The following GRIK2 variants were observed in gnomAD, a reference collection of about 807,000 sequenced individuals.
GRIK2 encodes glutamate ionotropic receptor kainate type subunit 2.
A neutral mutation model predicts 100.3 loss-of-function variants in GRIK2; 32 were observed. That is an observed-to-expected ratio of 0.32 (90% CI 0.24 to 0.43). The LOEUF is 0.43. GRIK2 is among the 20% of genes least tolerant of loss of function. The pLI, the probability that GRIK2 is intolerant of heterozygous loss-of-function variation, is 1.00. For synonymous variants in GRIK2, 417 were observed against 389.4 expected (o/e 1.07, Z -0.83); for missense variants, 843 against 1,114.9 (o/e 0.76, Z 3.47).
intron 16 of GRIK2, among the ~76,000 whole-genome samples, chr6:102,058,075 T>C (rs1468608664): frequency 1.3e-5 from 2 of 151,996 alleles, no homozygotes; most frequent in African/African-American, 4.8e-5. Flanking sequence ...TCTAAAAACA[T>C]GTATCTCCTT....
intron 2 of GRIK2, among the ~76,000 whole-genome samples, chr6:101,590,592 G>A (rs1778596590): frequency 2.0e-5 from 3 of 151,822 alleles, no homozygotes; most frequent in African/African-American, 7.3e-5. Flanking sequence ...CAACCTGAAG[G>A]GCAGCTTTCA....
rs1322818595 is a variant in GRIK2, at chr6:101,829,024, C to G, written c.1317+10541C>G. On this transcript the variant is annotated intron_variant, in intron 10 of 16. Coordinates refer to ENST00000369134, the MANE Select transcript of GRIK2 (RefSeq NM_021956.5). ...CACAAAAATTCTCAACAAAATGTAA[C>G]CAAACAAAATCCAGCAGCACATGAA... 2.0e-5 allele frequency among the ~76,000 whole-genome samples: 3 copies of G among 151,674 alleles called. No individual in the cohort carries two copies. The East Asian group carries it at 5.8e-4, about 29-fold the overall frequency.
At chr6:102,000,027 G>C (rs1794852346) in intron 14 of GRIK2, among the ~76,000 whole-genome samples, 1 of 151,464 alleles carries the variant, frequency 6.6e-6, no homozygotes, top group South Asian at 2.1e-4. Flanking sequence ...TCTTTTTTTT[G>C]TATAGTGTTG....
At chr6:101,632,009 T>C (rs1780764112) in intron 4 of GRIK2, among the ~76,000 whole-genome samples, 1 of 152,150 alleles carries the variant, frequency 6.6e-6, no homozygotes, top group African/African-American at 2.4e-5. Flanking sequence ...ATTGAGCCAG[T>C]AGACACCTTT....
chr6:101,760,161 G>A (rs189897655), intron 7 of GRIK2, among the ~76,000 whole-genome samples: 7,579 of 145,930 alleles, frequency 0.052, 818 homozygotes, highest in African/African-American at 0.19. Context: ...GAGCCACCGC[G>A]CCCGGCCAGC....
chr6:102,045,328 A>C (rs886931580), intron 15 of GRIK2, among the ~76,000 whole-genome samples: 5 of 152,162 alleles, frequency 3.3e-5, no homozygotes, highest in Non-Finnish European at 7.4e-5. Flanking sequence ...AACAGGCGTA[A>C]GAATGATAAC....
At chr6:101,885,150 T>C (rs1470061992) in intron 11 of GRIK2, among the ~76,000 whole-genome samples, 1 of 152,152 alleles carries the variant, frequency 6.6e-6, no homozygotes, top group Admixed American at 6.6e-5. Flanking sequence ...GACTTATATG[T>C]GAAATAACCA....
intron 7 of GRIK2, chr6:101,745,037 A>T (rs1213852156): frequency 1.3e-5 from 2 of 151,948 alleles, no homozygotes; most frequent in African/African-American, 4.9e-5. Flanking sequence ...CTAAAGGGAA[A>T]TTATTTATTA....
chr6:101,951,512 A>C (rs557916046), intron 14 of GRIK2, among the ~76,000 whole-genome samples: 1 of 152,296 alleles, frequency 6.6e-6, no homozygotes, highest in Middle Eastern at 3.4e-3. Flanking sequence ...GTTCATATGC[A>C]GCTGTAAGAA....
At chr6:101,450,247 T>A (rs901099073) in intron 2 of GRIK2, among the ~76,000 whole-genome samples, 3 of 151,706 alleles carry the variant, frequency 2.0e-5, no homozygotes, top group African/African-American at 7.2e-5. Flanking sequence ...TAGATTTAAT[T>A]AGTAATAATA....
At chr6:101,935,207 T>C (rs1348889388) in intron 14 of GRIK2, among the ~76,000 whole-genome samples, 1 of 151,942 alleles carries the variant, frequency 6.6e-6, no homozygotes, top group African/African-American at 2.4e-5. Context: ...TTCTTTATGG[T>C]ACTTCAGTAA....
intron 4 of GRIK2, among the ~76,000 whole-genome samples, chr6:101,668,608 G>A (rs547278488): frequency 3.9e-5 from 6 of 152,044 alleles, no homozygotes; most frequent in African/African-American, 1.4e-4. Context: ...GAATATAGAT[G>A]AATCATTTTT....
At chr6:101,988,176 T>C (rs1794157561) in intron 14 of GRIK2, among the ~76,000 whole-genome samples, 1 of 149,914 alleles carries the variant, frequency 6.7e-6, no homozygotes. Context: ...TGCAAGAGCA[T>C]TCTCATGAGT....
At chr6:101,432,470 A>G (rs1325998589) in intron 2 of GRIK2, among the ~76,000 whole-genome samples, 1 of 152,198 alleles carries the variant, frequency 6.6e-6, no homozygotes, top group Non-Finnish European at 1.5e-5. Flanking sequence ...ATAATACCCA[A>G]TGACAATCCA....
chr6:102,053,551 G>T (rs2249220), intron 15 of GRIK2, among the ~76,000 whole-genome samples: 58,396 of 152,042 alleles, frequency 0.38, 11,561 homozygotes, highest in Middle Eastern at 0.47. Context: ...GAATTCAGAT[G>T]GATGGATGTT....
At chr6:101,930,266 G>A (rs567557038) in intron 14 of GRIK2, among the ~76,000 whole-genome samples, 4 of 151,814 alleles carry the variant, frequency 2.6e-5, no homozygotes, top group Middle Eastern at 3.4e-3. Context: ...CACTTGAGCC[G>A]GGGAGGCAGA....
At chr6:101,832,700 T>A (rs546654631) in intron 10 of GRIK2, among the ~76,000 whole-genome samples, 1 of 152,344 alleles carries the variant, frequency 6.6e-6, no homozygotes, top group South Asian at 2.1e-4. Flanking sequence ...ATTAAGAGCC[T>A]GTTTTTCTGT....
intron 2 of GRIK2, among the ~76,000 whole-genome samples, chr6:101,581,263 T>C (rs1778078481): frequency 1.3e-5 from 2 of 150,658 alleles, no homozygotes; most frequent in South Asian, 4.2e-4. Flanking sequence ...CACATATATC[T>C]ACACGTGTAT....
intron 2 of GRIK2, among the ~76,000 whole-genome samples, chr6:101,423,161 T>C (rs535772802): frequency 1.6e-3 from 248 of 152,316 alleles, no homozygotes; most frequent in African/African-American, 5.7e-3. Flanking sequence ...AGACAAACCC[T>C]TGGATAAATT....
Sources: gnomAD v4.1 joint callset for allele counts (sites outside exome capture counted in the v4.1 genomes callset) on GRCh38, gnomAD v4.1.1 for gene constraint, MANE v1.5 for transcripts, NCBI Gene and HGNC (gene_info 2026-07-23, HGNC 2026-07-21) for gene names.